The following CSMD2 variants were observed in gnomAD, a reference collection of about 807,000 sequenced individuals.
The protein encoded by CSMD2 is CUB and Sushi multiple domains 2.
CSMD2 carries 130 observed loss-of-function variants against 398.5 expected under a neutral mutation model. The observed-to-expected ratio is 0.33, with a 90% confidence interval of 0.28 to 0.38. CSMD2 has a LOEUF of 0.38. Among genes scored for constraint, CSMD2 ranks in the 10% least tolerant of loss-of-function variants. The pLI is 1.00. For synonymous variants in CSMD2, 1,828 were observed against 1,908.5 expected (o/e 0.96, Z 1.10); for missense variants, 3,829 against 4,764.9 (o/e 0.80, Z 5.78).
chr1:33,694,481 C>T (rs1227369911), intron 24 of CSMD2, among the ~76,000 whole-genome samples: 1 of 152,120 alleles, frequency 6.6e-6, no homozygotes, highest in African/African-American at 2.4e-5. Context: ...CCATACTGTT[C>T]TCATGATAGT....
At chr1:33,827,759 A>G (rs1275311139) in intron 6 of CSMD2, among the ~76,000 whole-genome samples, 1 of 152,202 alleles carries the variant, frequency 6.6e-6, no homozygotes, top group Admixed American at 6.5e-5. Flanking sequence ...TAGATAATCA[A>G]ATCAGGGTTC....
At chr1:33,627,295 T>C (rs1044920817) in intron 32 of CSMD2, among the ~76,000 whole-genome samples, 2 of 151,848 alleles carry the variant, frequency 1.3e-5, no homozygotes, top group African/African-American at 2.4e-5. Flanking sequence ...AAGACAAAGG[T>C]ATATCTTCTG....
chr1:33,977,305 A>C (rs1392374708), intron 3 of CSMD2, among the ~76,000 whole-genome samples: 2 of 151,980 alleles, frequency 1.3e-5, no homozygotes, highest in Non-Finnish European at 1.5e-5. Context: ...ACCCTGTGGG[A>C]ACAGGAGATT....
intron 10 of CSMD2, among the ~76,000 whole-genome samples, chr1:33,807,740 T>C (rs186605568): frequency 1.2e-3 from 176 of 152,316 alleles, no homozygotes; most frequent in African/African-American, 3.8e-3. Flanking sequence ...CTAGGCTTTA[T>C]TAAGTAGGCA....
At chr1:33,673,733 G>A (rs1644598280) in intron 25 of CSMD2, among the ~76,000 whole-genome samples, 1 of 152,198 alleles carries the variant, frequency 6.6e-6, no homozygotes, top group South Asian at 2.1e-4. Context: ...TACCCACAAA[G>A]GGAAGCCCAT....
intron 44 of CSMD2, among the ~76,000 whole-genome samples, chr1:33,595,899 C>T (rs1019712066): frequency 6.6e-6 from 1 of 152,216 alleles, no homozygotes; most frequent in African/African-American, 2.4e-5. Context: ...GAAGCCTTCT[C>T]AGTAGAAAGA....
intron 1 of CSMD2, among the ~76,000 whole-genome samples, chr1:34,102,251 C>T (rs565254598): frequency 2.0e-5 from 3 of 152,240 alleles, no homozygotes; most frequent in African/African-American, 4.8e-5. Context: ...AAGATGGTCT[C>T]GATTTCCTGA....
intron 70 of CSMD2, among the ~76,000 whole-genome samples, chr1:33,516,800 C>A (rs777811049): frequency 1.3e-5 from 2 of 152,038 alleles, no homozygotes; most frequent in Non-Finnish European, 2.9e-5. Context: ...TTTTCCCTTG[C>A]AGGGCCAACT....
chr1:33,689,091 G>GGAGAGGGA (rs1278486004), intron 25 of CSMD2, among the ~76,000 whole-genome samples: 4 of 148,770 alleles, frequency 2.7e-5, no homozygotes, highest in African/African-American at 7.4e-5. Flanking sequence ...AAGGAGAGGA[G>GGAGAGGGA]GAGAGGGAGA....
intron 5 of CSMD2, among the ~76,000 whole-genome samples, chr1:33,852,545 C>T (rs897207564): frequency 1.3e-5 from 2 of 152,234 alleles, no homozygotes; most frequent in Non-Finnish European, 2.9e-5. Context: ...GAAAATATCA[C>T]TGATCCTATA....
chr1:33,869,548 C>A (rs780975454), intron 5 of CSMD2, among the ~76,000 whole-genome samples: 78 of 152,194 alleles, frequency 5.1e-4, no homozygotes, highest in Non-Finnish European at 7.3e-4. Context: ...ACCTGCAGGG[C>A]TTATTAAAAC....
intron 10 of CSMD2, among the ~76,000 whole-genome samples, chr1:33,805,750 G>A (rs1656155045): frequency 6.6e-6 from 1 of 152,106 alleles, no homozygotes; most frequent in Non-Finnish European, 1.5e-5. Context: ...GAAAAGCCAT[G>A]AGAGGACACA....
chr1:34,075,144 A>G (rs1342362881), intron 2 of CSMD2, among the ~76,000 whole-genome samples: 1 of 152,262 alleles, frequency 6.6e-6, no homozygotes, highest in Non-Finnish European at 1.5e-5. Context: ...AGTGTCCAGC[A>G]TGGTGGCTGG....
In CSMD2 at chr1:33,567,831, G is replaced by C. The variant is rs1659196789; in HGVS notation, c.8142C>G (p.Thr2714=). ...GCTTATAGAAAATGGAGTGGAGCTT[G>C]GTCTGAGTGGCTAGAGACAGGGATG... ...GSEVRCLATQ[T]KLHSIFYKLL... is the part of the protein sequence containing the mutation. The change falls in exon 53 of 71, where the codon ACC becomes ACG. Residue 2714 remains threonine (T), a synonymous_variant. Transcript: ENST00000373381. The C allele has an allele frequency of 3.2e-6, 5 of 1,581,036 alleles. No individual in the cohort carries two copies. The South Asian group carries it at 3.5e-5, about 11-fold the overall frequency.
intron 55 of CSMD2, among the ~76,000 whole-genome samples, chr1:33,555,104 T>C (rs1657835539): frequency 6.6e-6 from 1 of 152,164 alleles, no homozygotes; most frequent in Non-Finnish European, 1.5e-5. Context: ...ATTAAGAAGA[T>C]TTGTGATTCA....
At chr1:33,561,073 T>C (rs2336245) in intron 53 of CSMD2, among the ~76,000 whole-genome samples, 18,656 of 152,156 alleles carry the variant, frequency 0.12, 1,559 homozygotes, top group African/African-American at 0.23. Flanking sequence ...GTTCTCTTTG[T>C]CCAATACTTA....
chr1:33,870,758 C>T (rs1032191476), intron 5 of CSMD2: 1 of 152,044 alleles, frequency 6.6e-6, no homozygotes, highest in African/African-American at 2.4e-5. Context: ...CTGTGTAATC[C>T]CCTCCCTTTG....
At position 33,567,814 on chromosome 1, in the gene CSMD2, A is replaced by C; in HGVS notation, c.8159T>G (p.Phe2720Cys). 1 of 1,600,192 alleles carries C rather than the reference A, an allele frequency of 6.2e-7. No homozygotes were observed. Among genetic ancestry groups the C allele is most frequent in the East Asian group, 2.3e-5 (1 of 44,074 alleles). Residue 2720 changes from phenylalanine (F) to cysteine (C), a missense_variant, in exon 53 of 71, where the codon TTC (phenylalanine) becomes TGC (cysteine). This residue lies in a region of CSMD2 where 723 missense variants were observed against 758.6 expected (regional missense o/e 0.95). Coordinates refer to ENST00000373381, the MANE Select transcript of CSMD2 (RefSeq NM_001281956.2). ...GAGTACATCGAAGAGGAGCTTATAG[A>C]AAATGGAGTGGAGCTTGGTCTGAGT... ...LATQTKLHSI[F>C]YKLLFDVLSS...
chr1:33,784,576 G>A (rs993758055), intron 12 of CSMD2, among the ~76,000 whole-genome samples: 2 of 152,170 alleles, frequency 1.3e-5, no homozygotes, highest in Non-Finnish European at 2.9e-5. Flanking sequence ...CTGGCTCCAC[G>A]CCCTGCACTG....
Sources: gnomAD v4.1 joint callset for allele counts (sites outside exome capture counted in the v4.1 genomes callset) on GRCh38, gnomAD v4.1.1 for gene constraint, gnomAD v4.1.1 regional missense constraint, MANE v1.5 for transcripts, NCBI Gene and HGNC (gene_info 2026-07-23, HGNC 2026-07-21) for gene names.